Variants in VILL observed in about 807,000 individuals in gnomAD.
VILL encodes the protein villin-like protein.
Under a neutral mutation model 106.3 loss-of-function variants are expected in VILL, and 102 were observed. That is an observed-to-expected ratio of 0.96 (90% CI 0.82 to 1.13). VILL has a LOEUF of 1.13. VILL is among the 50% of genes most tolerant of loss of function. VILL has a pLI of 0.00. For synonymous variants in VILL, 431 were observed against 440.3 expected, an observed-to-expected ratio of 0.98 and a Z score of 0.27; for missense variants, 1,076 against 1,116.6, an observed-to-expected ratio of 0.96 and a Z score of 0.52.
chr3:37,993,805 G>A (rs982399471), intron 2 of VILL, 73 bp downstream of exon 2: 33 of 1,605,578 alleles, frequency 2.1e-5, no homozygotes, highest in Non-Finnish European at 2.7e-5. Flanking sequence ...GGCTTCTCCC[G>A]CCCCCAACTC....
chr3:38,002,395 G>C lies in VILL; in HGVS notation c.1480-1G>C, dbSNP rs746443399. On this transcript the variant is annotated splice_acceptor_variant, in intron 13 of 19. Transcript: ENST00000383759. LOFTEE classifies it high-confidence loss of function. ...CAGCCTGAGGCCTTGCTCTCCTATA[G>C]GAGAGAGCTGGGCACCATGGAAAGG... 1 of 1,609,864 alleles carries C rather than the reference G, an allele frequency of 6.2e-7. No individual in the cohort carries two copies. The highest frequency in any genetic ancestry group is 2.2e-5 in the East Asian group (1 of 44,828).
At chr3:37,994,135 C>G in intron 3 of VILL, 126 bp from the exon 4 acceptor site, 1 of 1,404,724 alleles carries the variant, frequency 7.1e-7, no homozygotes, top group East Asian at 2.4e-5. Context: ...GTCCTTCCCT[C>G]CCACTTCCTG....
intron 11 of VILL, 102 bp from the exon 12 acceptor site, chr3:38,001,354 G>T: frequency 1.3e-6 from 2 of 1,538,614 alleles, no homozygotes; most frequent in Non-Finnish European, 8.8e-7. Flanking sequence ...CGTGGATGAG[G>T]AAGGCCTCAG....
intron 16 of VILL, 110 bp from the exon 17 acceptor site, chr3:38,005,682 A>G (rs1575341087): frequency 8.3e-7 from 1 of 1,208,256 alleles, no homozygotes; most frequent in Admixed American, 2.7e-5. Context: ...TTGGCCAGGG[A>G]TGTGTATGTG....
At position 37,993,687 on chromosome 3, in the gene VILL, G is replaced by C; in HGVS notation, c.15G>C (p.Lys5Asn). ...CCTGGCCTGCGATGGACATCAGCAA[G>C]GGCCTCCCAGGCATGCAGGGAGGCC... MDIS[K>N]GLPGMQGGLH... is the part of the protein sequence containing the mutation. The change falls in exon 2 of 20, where the codon AAG (lysine) becomes AAC (asparagine). Residue 5 changes from lysine to asparagine, a missense_variant. Transcript: ENST00000383759. The C allele has an allele frequency of 1.2e-6, 2 of 1,613,992 alleles. No homozygotes were observed. Among genetic ancestry groups the C allele is most frequent in the Non-Finnish European group, 1.7e-6 (2 of 1,179,922 alleles).
Position 37,994,329 on chromosome 3 carries a change from G to A in VILL, c.204G>A (p.Ala68=). 6.2e-7 allele frequency: 1 copy of A among 1,611,600 alleles called. No homozygotes were observed. The highest frequency in any genetic ancestry group is 2.2e-5 in the East Asian group (1 of 44,864). ...TGCACTACTGGGTCGGGAAGCAGGCGGGTGCGGAAGCGCAGGGCGCTGCGG... is the reference window on the plus strand; with the variant it reads ...TGCACTACTGGGTCGGGAAGCAGGCAGGTGCGGAAGCGCAGGGCGCTGCGG... ...SDLHYWVGKQ[A]GAEAQGAAEA... is the part of the protein sequence containing the mutation. The change falls in exon 4 of 20, where the codon GCG becomes GCA. Residue 68 remains alanine, a synonymous_variant. Coordinates refer to ENST00000383759, the MANE Select transcript of VILL (RefSeq NM_015873.4).
In VILL at chr3:37,997,134, A is replaced by C. The variant is rs1328003130; in HGVS notation, c.508A>C (p.Lys170Gln). ...TGACATCTTCCTGCTGGACCTAGGC[A>C]AGATGATGATTCAGTGGAATGGGCC... ...KGDIFLLDLGKMMIQWNGPKT... is the reference protein window; with the variant it reads ...KGDIFLLDLGQMMIQWNGPKT... Residue 170 changes from lysine to glutamine, a missense_variant, in exon 6 of 20, where the codon AAG becomes CAG. Transcript: ENST00000383759. The surrounding 1 kb of genome is among the most constrained non-coding windows in gnomAD (Gnocchi z 4.7). 1 of 1,614,122 alleles carries C rather than the reference A, an allele frequency of 6.2e-7. No individual in the cohort carries two copies. The highest frequency in any genetic ancestry group is 8.5e-7 in the Non-Finnish European group (1 of 1,180,002).
chr3:38,002,193 A>G (rs1414049771), intron 13 of VILL: 1 of 639,310 alleles, frequency 1.6e-6, no homozygotes, highest in Non-Finnish European at 2.7e-6. Context: ...GGTCCATTTA[A>G]AAAGGGTCTG....
At chr3:37,994,128 C>A in intron 3 of VILL, 133 bp from the exon 4 acceptor site, 3 of 1,400,304 alleles carry the variant, frequency 2.1e-6, no homozygotes, top group Admixed American at 1.9e-5. Context: ...CTTCTTAGTC[C>A]TTCCCTCCCA....
chr3:37,998,855 C>G lies in VILL; in HGVS notation c.943-57C>G. On this transcript the variant is annotated intron_variant, in intron 9 of 19. Transcript: ENST00000383759. The surrounding 1 kb of genome is among the most constrained non-coding windows in gnomAD (Gnocchi z 4.1). ...TCCCAGAGCGGTAGGTCCCCAGGAG[C>G]GGCAGTGGGGCAGTGGACTCTCAGG... The G allele has an allele frequency of 1.3e-6, 2 of 1,546,226 alleles. No individual in the cohort carries two copies. Among genetic ancestry groups the G allele is most frequent in the Non-Finnish European group, 1.8e-6 (2 of 1,139,104 alleles).
At position 37,995,896 on chromosome 3, in the gene VILL, G is replaced by T; in HGVS notation, c.450+49G>T. The stretch of plus-strand genomic sequence containing the variant: ...TGACCTCTGAACTCGGCTCAGACTG[G>T]GTGTACTGAGGTATAAGGAGGTTGG... On this transcript the variant is annotated intron_variant, in intron 5 of 19. Coordinates refer to ENST00000383759, the MANE Select transcript of VILL (RefSeq NM_015873.4). 1.3e-6 allele frequency: 2 copies of T among 1,483,606 alleles called. 1 individual carries two copies. Among genetic ancestry groups the T allele is most frequent in the Non-Finnish European group, 1.9e-6 (2 of 1,065,150 alleles). The allele number at this position is 1,483,606 out of a possible 1,614,324, so 91.9% of individuals were successfully genotyped here.
At position 37,998,518 on chromosome 3, in the gene VILL, C is replaced by G. The variant is rs1699749623; in HGVS notation, c.942+154C>G. Among the ~76,000 whole-genome samples the G allele has an allele frequency of 6.6e-6, 1 of 152,136 alleles. No individual in the cohort carries two copies. The highest frequency in any genetic ancestry group is 6.5e-5 in the Admixed American group (1 of 15,288). On this transcript the variant is annotated intron_variant, in intron 9 of 19. Transcript: ENST00000383759. This position sits in a 1 kb window ranked among gnomAD's most constrained non-coding sequence, Gnocchi z 4.1. Reference sequence around the variant, plus strand: ...CTGGAGTCTTAAAGGGGAGGTAGCCCTGCCCTGGGAGCCCTGAGAGTAAAG... The same window carrying G: ...CTGGAGTCTTAAAGGGGAGGTAGCCGTGCCCTGGGAGCCCTGAGAGTAAAG...
At chr3:38,001,251 G>T in intron 11 of VILL, 1 of 728,044 alleles carries the variant, frequency 1.4e-6, no homozygotes, top group Non-Finnish European at 2.2e-6. Flanking sequence ...GGGTTTCAGG[G>T]GTCCGTGGGG....
intron 1 of VILL, chr3:37,991,050 T>C (rs1207964240): frequency 6.6e-6 from 1 of 152,262 alleles, no homozygotes; most frequent in East Asian, 1.9e-4. Context: ...GCAGATTTTG[T>C]AGATGGGCAG....
intron 1 of VILL, 127 bp from the exon 2 acceptor site, chr3:37,993,458 TAA>T: frequency 1.7e-6 from 1 of 574,780 alleles, no homozygotes; most frequent in Non-Finnish European, 3.1e-6. Context: ...TGTTTATGCC[TAA>T]TCTGCCCAAC....
Position 37,997,654 on chromosome 3 carries a change from C to CA in VILL, c.734dup (p.Leu246AlafsTer13). ...CGCCACGCCCAGCAAGGATATCAACCAGCTGCAGAAGGCCAATGTTCGCCT... is the reference window on the plus strand; with the variant it reads ...CGCCACGCCCAGCAAGGATATCAACCAAGCTGCAGAAGGCCAATGTTCGCCT... On this transcript the variant is annotated frameshift_variant, in exon 7 of 20. Coordinates refer to ENST00000383759, the MANE Select transcript of VILL (RefSeq NM_015873.4). LOFTEE classifies it high-confidence loss of function. The surrounding 1 kb of genome is among the most constrained non-coding windows in gnomAD (Gnocchi z 4.7). 2 of 1,611,824 alleles carry CA rather than the reference C, an allele frequency of 1.2e-6. No individual in the cohort carries two copies. The highest frequency in any genetic ancestry group is 1.7e-6 in the Non-Finnish European group (2 of 1,179,698).
At position 38,004,418 on chromosome 3, in the gene VILL, C is replaced by T. The variant is rs1699877610; in HGVS notation, c.1950+19C>T. ...GCAGGAGGTAAGGTGGCCATCCCTG[C>T]CTGGTGGGGCTGTGAACGGGGGTGT... On this transcript the variant is annotated intron_variant, in intron 16 of 19. Coordinates refer to ENST00000383759, the MANE Select transcript of VILL (RefSeq NM_015873.4). The T allele has an allele frequency of 1.3e-6, 2 of 1,597,634 alleles. No individual in the cohort carries two copies. The highest frequency in any genetic ancestry group is 1.3e-5 in the African/African-American group (1 of 74,710).
chr3:37,994,219 C>T, intron 3 of VILL, 42 bp from the exon 4 acceptor site: 3 of 1,563,540 alleles, frequency 1.9e-6, no homozygotes, highest in South Asian at 1.2e-5. Flanking sequence ...CCCGCACCTC[C>T]GTCTTCCCCG....
Position 38,003,288 on chromosome 3 carries a change from C to A in VILL, c.1780C>A (p.Arg594=). Residue 594 remains arginine, a synonymous_variant, in exon 15 of 20, where the codon CGG becomes AGG. Coordinates refer to ENST00000383759, the MANE Select transcript of VILL (RefSeq NM_015873.4). ...CCACTTCTGGGAGGCCCTGGGAGGC[C>A]GGGCCCCCTACCCCAGCAACAAGAG... The part of the protein sequence containing the change: ...PPHFWEALGG[R]APYPSNKRLP... 1 of 1,612,072 alleles carries A rather than the reference C, an allele frequency of 6.2e-7. No homozygotes were observed. The highest frequency in any genetic ancestry group is 8.5e-7 in the Non-Finnish European group (1 of 1,179,368).
Sources: allele counts gnomAD v4.1 joint callset (sites outside exome capture counted in the v4.1 genomes callset), GRCh38; gene constraint gnomAD v4.1.1; non-coding constraint Gnocchi (gnomAD v3.1); transcripts MANE v1.5; gene names NCBI Gene and HGNC (gene_info 2026-07-23, HGNC 2026-07-21).